The following SVIL variants were observed in gnomAD, a reference collection of about 807,000 sequenced individuals.
SVIL encodes supervillin.
A neutral mutation model predicts 240.4 loss-of-function variants in SVIL; 101 were observed. The ratio of observed to expected loss-of-function variants is 0.42; its 90% CI spans 0.36 to 0.50. The LOEUF is 0.50. Among genes scored for constraint, SVIL ranks in the 20% least tolerant of loss-of-function variants. The pLI, the probability that SVIL is intolerant of heterozygous loss-of-function variation, is 0.01. For synonymous variants in SVIL, 999 were observed against 1,100.0 expected (o/e 0.91, Z 1.82); for missense variants, 2,512 against 2,818.7 (o/e 0.89, Z 2.46).
At chr10:29,463,692 C>A in intron 34 of SVIL, 57 bp from the exon 35 acceptor site, 2 of 1,586,334 alleles carry the variant, frequency 1.3e-6, no homozygotes, top group African/African-American at 1.3e-5. Context: ...ACACTTCTAG[C>A]TCACTCCTCC....
intron 1 of SVIL, among the ~76,000 whole-genome samples, chr10:29,589,105 A>T (rs1047421392): frequency 6.6e-6 from 1 of 152,246 alleles, no homozygotes; most frequent in Admixed American, 6.5e-5. Context: ...GGAGTTTATC[A>T]GAAATTCCTG....
intron 3 of SVIL, among the ~76,000 whole-genome samples, chr10:29,645,117 C>T (rs1958614350): frequency 6.6e-6 from 1 of 152,166 alleles, no homozygotes; most frequent in Non-Finnish European, 1.5e-5. Context: ...GCACTGCCCT[C>T]AGGTAAGGGC....
intron 7 of SVIL, among the ~76,000 whole-genome samples, chr10:29,535,629 C>T (rs1357608692): frequency 6.6e-6 from 1 of 152,174 alleles, no homozygotes; most frequent in African/African-American, 2.4e-5. Context: ...AGATGGGACG[C>T]CGGCTAGCGA....
At chr10:29,683,951 A>T (rs1960862410) in intron 2 of SVIL, among the ~76,000 whole-genome samples, 1 of 152,140 alleles carries the variant, frequency 6.6e-6, no homozygotes, top group Admixed American at 6.6e-5. Flanking sequence ...CATGAAAGTC[A>T]CCCCAAATCA....
At chr10:29,536,898 C>T (rs1268784036) in intron 6 of SVIL, among the ~76,000 whole-genome samples, 2 of 118,802 alleles carry the variant, frequency 1.7e-5, no homozygotes, top group Non-Finnish European at 3.2e-5. Flanking sequence ...GCGATAACAG[C>T]ACGACTCTGT....
intron 1 of SVIL, among the ~76,000 whole-genome samples, chr10:29,729,353 T>C (rs558378696): frequency 2.6e-5 from 4 of 152,114 alleles, no homozygotes; most frequent in African/African-American, 7.2e-5. Context: ...GGAAAAAGTT[T>C]GATGGTATAA....
chr10:29,500,809 G>A (rs2025855), intron 17 of SVIL, among the ~76,000 whole-genome samples: 39,535 of 151,940 alleles, frequency 0.26, 5,637 homozygotes, highest in Non-Finnish European at 0.33. Flanking sequence ...TCTCTTCCCC[G>A]ATGCCTTTCC....
At chr10:29,671,725 T>C (rs1959791537) in intron 2 of SVIL, among the ~76,000 whole-genome samples, 1 of 152,184 alleles carries the variant, frequency 6.6e-6, no homozygotes, top group South Asian at 2.1e-4. Flanking sequence ...TCCAGACATA[T>C]CATCTCTATT....
chr10:29,582,033 T>C (rs1190934118), intron 1 of SVIL, among the ~76,000 whole-genome samples: 1 of 152,052 alleles, frequency 6.6e-6, no homozygotes, highest in African/African-American at 2.4e-5. Context: ...AGACAGATAG[T>C]AGAAGGGAGT....
intron 2 of SVIL, among the ~76,000 whole-genome samples, chr10:29,659,737 T>C (rs1181130095): frequency 1.5e-4 from 23 of 152,224 alleles, no homozygotes; most frequent in Admixed American, 1.5e-3. Flanking sequence ...CTCATTCTTG[T>C]AAGCCACAGA....
intron 5 of SVIL, 142 bp downstream of exon 5, chr10:29,554,641 T>A (rs1482480944): frequency 9.0e-7 from 1 of 1,109,146 alleles, no homozygotes; most frequent in Non-Finnish European, 1.2e-6. Context: ...TGTGACAGAG[T>A]GAAACCTTGT....
chr10:29,573,228 A>G (rs1955530276), intron 1 of SVIL, among the ~76,000 whole-genome samples: 1 of 152,170 alleles, frequency 6.6e-6, no homozygotes, highest in African/African-American at 2.4e-5. Flanking sequence ...AAATTTGAAA[A>G]TAAAATTCCA....
chr10:29,524,396 A>C, intron 14 of SVIL, 76 bp downstream of exon 14: 1 of 1,583,376 alleles, frequency 6.3e-7, no homozygotes, highest in Non-Finnish European at 8.6e-7. Context: ...TACATCATTG[A>C]CCTCAGAGGA....
At position 29,523,953 on chromosome 10, in the gene SVIL, A is replaced by G; in HGVS notation, c.2661T>C (p.Ala887=). The change falls in exon 15 of 38, where the codon GCT becomes GCC. Residue 887 remains alanine (A), a synonymous_variant. Transcript: ENST00000355867. ...TSVSTVASTV[A]PMYAGDLRTK... ...TGCGAAGATCTCCGGCATACATTGG[A>G]GCAACCGTGGATGCTACGGTAGACA... 1 of 1,614,182 alleles carries G rather than the reference A, an allele frequency of 6.2e-7. No homozygotes were observed. The highest frequency in any genetic ancestry group is 8.5e-7 in the Non-Finnish European group (1 of 1,180,026).
Position 29,518,642 on chromosome 10 carries a change from G to A in SVIL, c.3389+3768C>T, listed in dbSNP as rs569467174. On this transcript the variant is annotated intron_variant, in intron 16 of 37. Transcript: ENST00000355867. ...AGGCTGAGGCAGGCAGATCACCTGA[G>A]GTCAGGCATTCGACACCAGCGTAGC... is the stretch of plus-strand genomic sequence containing the variant. Among the ~76,000 whole-genome samples the A allele has an allele frequency of 2.6e-5, 4 of 152,278 alleles. No homozygotes were observed. The South Asian group carries it at 8.3e-4, about 32-fold the overall frequency.
chr10:29,712,282 T>C (rs1418256437), intron 1 of SVIL, among the ~76,000 whole-genome samples: 1 of 152,226 alleles, frequency 6.6e-6, no homozygotes, highest in East Asian at 1.9e-4. Context: ...GTTTAGGTCA[T>C]GGGCGTGGAT....
intron 1 of SVIL, among the ~76,000 whole-genome samples, chr10:29,705,327 AC>A (rs1962811522): frequency 2.0e-5 from 3 of 152,184 alleles, no homozygotes; most frequent in Non-Finnish European, 4.4e-5. Flanking sequence ...TGTGAATATT[AC>A]CTGACACGGC....
At chr10:29,722,683 G>A (rs1018809933) in intron 1 of SVIL, among the ~76,000 whole-genome samples, 1 of 152,146 alleles carries the variant, frequency 6.6e-6, no homozygotes, top group Non-Finnish European at 1.5e-5. Flanking sequence ...GCAGGCAGAT[G>A]CTTGAATTCT....
chr10:29,708,792 A>G (rs1477450270), intron 1 of SVIL, among the ~76,000 whole-genome samples: 1 of 152,184 alleles, frequency 6.6e-6, no homozygotes, highest in East Asian at 1.9e-4. Flanking sequence ...CTCACTGGAG[A>G]TCTGTTCACA....
Sources: gnomAD v4.1 joint callset for allele counts (sites outside exome capture counted in the v4.1 genomes callset) on GRCh38, gnomAD v4.1.1 for gene constraint, MANE v1.5 for transcripts, NCBI Gene and HGNC (gene_info 2026-07-23, HGNC 2026-07-21) for gene names.